Variants in LRIF1 observed in about 807,000 individuals in gnomAD.
The protein encoded by LRIF1 is ligand dependent nuclear receptor interacting factor 1.
Under a neutral mutation model 52.7 loss-of-function variants are expected in LRIF1, and 32 were observed. The ratio of observed to expected loss-of-function variants is 0.61; its 90% confidence interval spans 0.46 to 0.82. The LOEUF is 0.82. LRIF1 is among the 40% of genes least tolerant of loss of function. The pLI is 0.00. For missense variants in LRIF1, 887 were observed against 892.0 expected, an observed-to-expected ratio of 0.99 and a Z score of 0.07; for synonymous variants, 323 against 317.4, an observed-to-expected ratio of 1.02 and a Z score of -0.19.
the LRIF1 span, among the ~76,000 whole-genome samples, chr1:110,922,891 C>T: frequency 6.6e-6 from 1 of 152,200 alleles, no homozygotes; most frequent in African/African-American, 2.4e-5. Context: ...CCACATCACT[C>T]CAGACTCTGC....
chr1:110,962,300 T>C (rs962886122), intron 1 of LRIF1, among the ~76,000 whole-genome samples: 19 of 150,708 alleles, frequency 1.3e-4, no homozygotes, highest in African/African-American at 4.4e-4. Flanking sequence ...ACCACAAAAT[T>C]AAAAAAAAGA....
chr1:110,934,235 G>C, the LRIF1 span, among the ~76,000 whole-genome samples: 3 of 152,202 alleles, frequency 2.0e-5, no homozygotes, highest in African/African-American at 7.2e-5. Flanking sequence ...ACTGAGACTT[G>C]CTGGCTTCAG....
At chr1:110,875,353 T>C in the LRIF1 span, among the ~76,000 whole-genome samples, 2 of 152,272 alleles carry the variant, frequency 1.3e-5, no homozygotes, top group Admixed American at 1.3e-4. Context: ...TGGGTGGGGC[T>C]ATGCCCACCA....
the LRIF1 span, among the ~76,000 whole-genome samples, chr1:110,911,177 C>T: frequency 6.6e-6 from 1 of 151,064 alleles, no homozygotes; most frequent in Non-Finnish European, 1.5e-5. Flanking sequence ...CTACCCTCAA[C>T]CCCCCAGGGA....
At chr1:110,925,527 A>C in the LRIF1 span, among the ~76,000 whole-genome samples, 2 of 152,196 alleles carry the variant, frequency 1.3e-5, no homozygotes, top group Non-Finnish European at 2.9e-5. Context: ...ACAAAAAAAC[A>C]TACAACAAAC....
downstream of LRIF1, among the ~76,000 whole-genome samples, chr1:110,945,679 G>A (rs573885223): frequency 1.2e-4 from 19 of 152,248 alleles, no homozygotes; most frequent in South Asian, 2.7e-3. Flanking sequence ...TGCCCACCTC[G>A]GCTTCCCAAA....
In LRIF1 at chr1:110,948,323, G is replaced by T; in HGVS notation, c.1946C>A (p.Ala649Asp). The change falls in exon 4 of 4, where the codon GCT (alanine) becomes GAT (aspartate). Residue 649 changes from alanine to aspartate, a missense_variant. Ala to Asp is a moderately radical substitution (Grantham distance 126). Transcript: ENST00000369763. ...TTCCCCATTTATGATTGCGTTATAA[G>T]CATTCTCTGTTTTTCTCTTCTTTAT... Reference protein sequence around the residue: ...DHIKKRKTENAYNAIINGEAN... With the variant: ...DHIKKRKTENDYNAIINGEAN... 6.2e-7 allele frequency: 1 copy of T among 1,613,948 alleles called. No individual in the cohort carries two copies. Among genetic ancestry groups the T allele is most frequent in the East Asian group, 2.2e-5 (1 of 44,864 alleles).
the LRIF1 span, among the ~76,000 whole-genome samples, chr1:110,932,878 A>C: frequency 6.6e-6 from 1 of 152,212 alleles, no homozygotes; most frequent in African/African-American, 2.4e-5. Context: ...ATTGGAATTC[A>C]ACTGTAATGA....
chr1:110,928,401 A>G, the LRIF1 span, among the ~76,000 whole-genome samples: 14,058 of 152,144 alleles, frequency 0.092, 754 homozygotes, highest in African/African-American at 0.15. Flanking sequence ...TCCTGGTCTT[A>G]AAACTAGAAT....
the LRIF1 span, among the ~76,000 whole-genome samples, chr1:110,935,518 T>C: frequency 1.3e-5 from 2 of 152,218 alleles, no homozygotes; most frequent in East Asian, 3.8e-4. Flanking sequence ...TTACAATTTT[T>C]TCAGCAGAAA....
the LRIF1 span, among the ~76,000 whole-genome samples, chr1:110,891,662 A>G: frequency 1.3e-5 from 2 of 152,158 alleles, no homozygotes; most frequent in Non-Finnish European, 2.9e-5. Context: ...TGCAAAATTG[A>G]AAGGTACCAG....
the LRIF1 span, among the ~76,000 whole-genome samples, chr1:110,885,430 C>T: frequency 3.5e-4 from 53 of 152,140 alleles, no homozygotes; most frequent in Middle Eastern, 3.4e-3. Flanking sequence ...CCTAGCCACT[C>T]GGGAGGCTGA....
the LRIF1 span, chr1:110,896,852 AAGAG>A: frequency 6.0e-6 from 5 of 830,736 alleles, no homozygotes; most frequent in African/African-American, 8.5e-5. Flanking sequence ...CCTTGAATAA[AAGAG>A]AGGCCAGGGC....
the LRIF1 span, among the ~76,000 whole-genome samples, chr1:110,915,158 T>C: frequency 4.6e-5 from 7 of 152,164 alleles, no homozygotes; most frequent in Non-Finnish European, 2.9e-5. Flanking sequence ...AGATGAATCC[T>C]ACAAATAAAA....
the LRIF1 span, among the ~76,000 whole-genome samples, chr1:110,935,139 C>T: frequency 6.6e-6 from 1 of 152,144 alleles, no homozygotes; most frequent in East Asian, 1.9e-4. Context: ...CTTGGGGTGC[C>T]CCATAAAACA....
intron 1 of LRIF1, 129 bp downstream of exon 1, chr1:110,963,492 C>A (rs1659052991): frequency 1.5e-6 from 1 of 688,688 alleles, no homozygotes; most frequent in Non-Finnish European, 2.4e-6. Context: ...AAGCGCTTCC[C>A]GCCTGGGTGG....
At chr1:110,957,301 C>CAAAAAAAAAA (rs35011841) in intron 1 of LRIF1, among the ~76,000 whole-genome samples, 100 of 81,450 alleles carry the variant, frequency 1.2e-3, no homozygotes, top group African/African-American at 3.0e-3. Context: ...ACTAAAAATA[C>CAAAAAAAAAA]AAAAAAAAAA....
chr1:110,962,540 T>C (rs1033594735), intron 1 of LRIF1, among the ~76,000 whole-genome samples: 2 of 152,234 alleles, frequency 1.3e-5, no homozygotes. Context: ...TGTACAGAAT[T>C]AAAGTTGTAT....
chr1:110,884,687 A>ATAAT, the LRIF1 span, among the ~76,000 whole-genome samples: 6 of 151,930 alleles, frequency 3.9e-5, no homozygotes, highest in South Asian at 2.1e-4. Context: ...CAGTCCCTTT[A>ATAAT]TAAAGTAATC....
Sources: gnomAD v4.1 joint callset for allele counts (sites outside exome capture counted in the v4.1 genomes callset) on GRCh38, gnomAD v4.1.1 for gene constraint, MANE v1.5 for transcripts, NCBI Gene and HGNC (gene_info 2026-07-23, HGNC 2026-07-21) for gene names.